Variants in BTD observed in about 807,000 individuals in gnomAD.
The protein encoded by BTD is biocytinase.
BTD carries 13 observed loss-of-function variants against 17.7 expected under a neutral mutation model. The ratio of observed to expected loss-of-function variants is 0.74; its 90% CI spans 0.48 to 1.17. The LOEUF is 1.17. Ranked by LOEUF, BTD falls within the 50% of genes most tolerant of loss-of-function variation. The probability of loss-of-function intolerance (pLI) is 0.00; values close to 1 mark genes in which losing one functional copy is unlikely to be tolerated. For missense variants in BTD, 674 were observed against 650.4 expected, an observed-to-expected ratio of 1.04 and a Z score of -0.39; for synonymous variants, 240 against 245.2, an observed-to-expected ratio of 0.98 and a Z score of 0.20.
intron 1 of BTD, among the ~76,000 whole-genome samples, chr3:15,620,710 A>G (rs1276473911): frequency 6.6e-6 from 1 of 152,250 alleles, no homozygotes; most frequent in African/African-American, 2.4e-5. Context: ...AGAACTGATA[A>G]ATGTCCATAT....
chr3:15,623,734 G>C (rs2125403836), intron 1 of BTD, among the ~76,000 whole-genome samples: 1 of 152,292 alleles, frequency 6.6e-6, no homozygotes, highest in African/African-American at 2.4e-5. Flanking sequence ...TCATGATAGA[G>C]TTCTCATGAG....
At chr3:15,702,019 A>C (rs566790591) in intron 3 of BTD, among the ~76,000 whole-genome samples, 12 of 152,328 alleles carry the variant, frequency 7.9e-5, no homozygotes, top group South Asian at 4.1e-4. Context: ...CCTGAATACA[A>C]AACTTATTCT....
chr3:15,616,335 C>T (rs2064790530), intron 1 of BTD, among the ~76,000 whole-genome samples: 1 of 152,092 alleles, frequency 6.6e-6, no homozygotes, highest in Admixed American at 6.5e-5. Context: ...TTGTTTTGGG[C>T]CGGGCGCGGT....
downstream of BTD, among the ~76,000 whole-genome samples, chr3:15,715,248 T>A (rs898467908): frequency 1.3e-5 from 2 of 152,202 alleles, no homozygotes; most frequent in African/African-American, 4.8e-5. Context: ...TGTCTTTTCT[T>A]TTCTAAAATC....
At chr3:15,661,276 AAAAAAAAAAAAAAAAAAG>A (rs2065920570) in intron 3 of BTD, among the ~76,000 whole-genome samples, 1 of 134,630 alleles carries the variant, frequency 7.4e-6, no homozygotes, top group Non-Finnish European at 1.6e-5. Flanking sequence ...AAAAAAAAAA[AAAAAAAAAAAAAAAAAAG>A]AAAAAGAAAA....
Position 15,644,399 on chromosome 3 carries a change from CA to C in BTD, c.484del (p.Ser162ValfsTer82), listed in dbSNP as rs397514368. ...TTGGGACAAAGGAGCCTTGTCATAG[CA>C]GTGACCCAAGGTGCCCAAAAGATGG... ...NLGTKEPCHS[S>X]DPRCPKDGRY... On this transcript the variant is annotated frameshift_variant, in exon 4 of 4. Transcript: ENST00000643237. LOFTEE classifies it low-confidence loss of function (END_TRUNC). 1 of 1,614,138 alleles carries C rather than the reference CA, an allele frequency of 6.2e-7. No homozygotes were observed. Among genetic ancestry groups the C allele is most frequent in the Non-Finnish European group, 8.5e-7 (1 of 1,180,022 alleles).
intron 1 of BTD, among the ~76,000 whole-genome samples, chr3:15,617,243 C>G (rs545619619): frequency 6.6e-6 from 1 of 152,266 alleles, no homozygotes; most frequent in South Asian, 2.1e-4. Flanking sequence ...CAAATATTTT[C>G]TCTCAGTCTG....
rs2471807 is a variant in BTD at position 15,635,058 on chromosome 3, G to A, written c.-16-366G>A. ...AGGGTAGAGTGTGAAATATATCACA[G>A]AATTATGTCAAATAATCTGGATAGT... On this transcript the variant is annotated intron_variant, in intron 1 of 3. Coordinates refer to ENST00000643237, the MANE Select transcript of BTD (RefSeq NM_001370658.1). The surrounding 1 kb of genome is among the most constrained non-coding windows in gnomAD (Gnocchi z 4.1). Among the ~76,000 whole-genome samples the A allele has an allele frequency of 0.37, 55,650 of 152,066 alleles. 11,681 individuals carry two copies. The highest frequency in any genetic ancestry group is 0.58 in the African/African-American group (23,981 of 41,454).
chr3:15,653,285 C>G lies in BTD; in HGVS notation c.*7797C>G, dbSNP rs915542442. Among the ~76,000 whole-genome samples, 2 of 152,264 alleles carry G rather than the reference C, an allele frequency of 1.3e-5. No homozygotes were observed. Among genetic ancestry groups the G allele is most frequent in the Non-Finnish European group, 2.9e-5 (2 of 68,050 alleles). On this transcript the variant is annotated 3_prime_UTR_variant, in exon 4 of 4. Coordinates refer to ENST00000643237, the MANE Select transcript of BTD (RefSeq NM_001370658.1). ...TCAAGTGTGAGCCCACTGTCTAATG[C>G]GGTGCATACCAAAGCAGGTGCACGG...
chr3:15,695,165 G>A (rs749923999), intron 3 of BTD: 11 of 1,578,134 alleles, frequency 7.0e-6, no homozygotes, highest in Middle Eastern at 1.7e-4. Context: ...CTAATTGGTG[G>A]GAGGGAATTG....
rs541012569 is a variant in BTD, at chr3:15,644,397, A to G, written c.481A>G (p.Ser161Gly). The part of the protein sequence containing the change: ...ANLGTKEPCH[S>G]SDPRCPKDGR... Reference sequence around the variant, plus strand: ...TCTTGGGACAAAGGAGCCTTGTCATAGCAGTGACCCAAGGTGCCCAAAAGA... The same window carrying G: ...TCTTGGGACAAAGGAGCCTTGTCATGGCAGTGACCCAAGGTGCCCAAAAGA... The change falls in exon 4 of 4, where the codon AGC (serine) becomes GGC (glycine). Residue 161 changes from serine to glycine, a missense_variant. Coordinates refer to ENST00000643237, the MANE Select transcript of BTD (RefSeq NM_001370658.1). 61 of 1,614,166 alleles carry G rather than the reference A, an allele frequency of 3.8e-5. No individual in the cohort carries two copies. The Middle Eastern group carries it at 4.9e-4, about 13-fold the overall frequency.
At position 15,648,301 on chromosome 3, in the gene BTD, G is replaced by C. The variant is rs2065740259; in HGVS notation, c.*2813G>C. Among the ~76,000 whole-genome samples the C allele has an allele frequency of 6.6e-6, 1 of 152,200 alleles. No homozygotes were observed. The highest frequency in any genetic ancestry group is 2.4e-5 in the African/African-American group (1 of 41,452). On this transcript the variant is annotated 3_prime_UTR_variant, in exon 4 of 4. Coordinates refer to ENST00000643237, the MANE Select transcript of BTD (RefSeq NM_001370658.1). The stretch of plus-strand genomic sequence containing the variant: ...GGCATAAAAGTATGAAATGTTTTGT[G>C]CACAAAGGCCTAGATTTGAGACAAG...
intron 1 of BTD, among the ~76,000 whole-genome samples, chr3:15,614,345 G>C (rs748316317): frequency 1.3e-5 from 2 of 151,654 alleles, no homozygotes; most frequent in African/African-American, 4.8e-5. Context: ...TGAATTCCTG[G>C]CCTCAAGTGA....
chr3:15,612,299 CTGATGAGAA>C (rs1197051251), intron 1 of BTD, among the ~76,000 whole-genome samples: 1 of 152,182 alleles, frequency 6.6e-6, no homozygotes, highest in Non-Finnish European at 1.5e-5. Flanking sequence ...GCTGATGAGA[CTGATGAGAA>C]TAATAGTCCC....
At position 15,601,827 on chromosome 3, in the gene BTD, C is replaced by G; in HGVS notation, c.-84C>G. On this transcript the variant is annotated 5_prime_UTR_variant, in exon 1 of 4. Transcript: ENST00000643237. Reference sequence around the variant, plus strand: ...TTGTCTCCGAGTCGGCCAGCTGGAGCGTTTTCGGGGCTGTAAAGGGAGAAT... The same window carrying G: ...TTGTCTCCGAGTCGGCCAGCTGGAGGGTTTTCGGGGCTGTAAAGGGAGAAT... 1.2e-6 allele frequency: 2 copies of G among 1,614,142 alleles called. No homozygotes were observed. Among genetic ancestry groups the G allele is most frequent in the Non-Finnish European group, 1.7e-6 (2 of 1,180,032 alleles).
chr3:15,710,414 GT>G (rs1372497046), exon 4 of BTD, among the ~76,000 whole-genome samples: 20 of 152,166 alleles, frequency 1.3e-4, no homozygotes. Flanking sequence ...TTACGTGGAA[GT>G]TAGGTTTTAA....
chr3:15,694,798 C>T (rs1238533622), intron 3 of BTD: 4 of 1,613,332 alleles, frequency 2.5e-6, no homozygotes, highest in Non-Finnish European at 3.4e-6. Flanking sequence ...ATGTCTGTTC[C>T]TGAGGTTTCC....
chr3:15,616,759 C>T (rs956359113), intron 1 of BTD, among the ~76,000 whole-genome samples: 1 of 152,138 alleles, frequency 6.6e-6, no homozygotes. Flanking sequence ...TGATGCTGAA[C>T]ATCTTTTCAT....
rs1250439301 is a variant in BTD at position 15,646,426 on chromosome 3, TAAGTTGCAGGGAC to T, written c.*939_*951del. 1 of 152,224 alleles carries T rather than the reference TAAGTTGCAGGGAC, an allele frequency of 6.6e-6. No homozygotes were observed. The highest frequency in any genetic ancestry group is 1.5e-5 in the Non-Finnish European group (1 of 68,062). 9.4% of individuals were successfully genotyped at this position (152,224 alleles called of 1,614,324 possible). On this transcript the variant is annotated 3_prime_UTR_variant, in exon 4 of 4. Transcript: ENST00000643237. ...AGCGATGCCTGGCACCCCATAGAGA[TAAGTTGCAGGGAC>T]TGCCGTGAAGGGCATGAAGGGTGGC...
Sources: gnomAD v4.1 joint callset for allele counts (sites outside exome capture counted in the v4.1 genomes callset) on GRCh38, gnomAD v4.1.1 for gene constraint, Gnocchi (gnomAD v3.1) non-coding constraint, MANE v1.5 for transcripts, NCBI Gene and HGNC (gene_info 2026-07-23, HGNC 2026-07-21) for gene names.